The following TRIP11 variants were observed in gnomAD, a reference collection of about 807,000 sequenced individuals.
TRIP11 encodes thyroid receptor-interacting protein 11.
In TRIP11, 148 loss-of-function variants were observed where a neutral mutation model predicts 223.1. The observed-to-expected ratio is 0.66, with a 90% CI of 0.58 to 0.76. TRIP11 has a LOEUF of 0.76. Among genes scored for constraint, TRIP11 ranks in the 30% least tolerant of loss-of-function variants. The pLI is 0.00. For synonymous variants in TRIP11, 762 were observed against 772.6 expected (o/e 0.99, Z 0.23); for missense variants, 2,043 against 2,222.0 (o/e 0.92, Z 1.62).
At position 92,004,792 on chromosome 14, in the gene TRIP11, G is replaced by C. The variant is rs1388212412; in HGVS notation, c.3184C>G (p.Gln1062Glu). The change falls in exon 11 of 21, where the codon CAG becomes GAG. Residue 1062 changes from glutamine to glutamate, a missense_variant. Physicochemically the swap from Gln to Glu is conservative, Grantham distance 29 (BLOSUM62 2). Coordinates refer to ENST00000267622, the MANE Select transcript of TRIP11 (RefSeq NM_004239.4). ...DEVGKLTQII[Q>E]QKDLEIQALH... ...GCTTGTATCTCCAAATCTTTCTGCT[G>C]AATAATCTGAGTTAGTTTACCAACT... is the stretch of plus-strand genomic sequence containing the variant. 6.2e-7 allele frequency: 1 copy of C among 1,614,100 alleles called. No homozygotes were observed. Among genetic ancestry groups the C allele is most frequent in the African/African-American group, 1.3e-5 (1 of 75,054 alleles).
chr14:91,977,147 C>T (rs1353704667), intron 16 of TRIP11: 2 of 435,592 alleles, frequency 4.6e-6, no homozygotes, highest in South Asian at 1.7e-5. Context: ...AATTATGCTG[C>T]ATTTTCCTAG....
At chr14:92,036,916 G>T (rs1471088406) in intron 1 of TRIP11, among the ~76,000 whole-genome samples, 1 of 152,110 alleles carries the variant, frequency 6.6e-6, no homozygotes, top group African/African-American at 2.4e-5. Context: ...TTTTTGTAGA[G>T]ATGAGATCTC....
intron 3 of TRIP11, among the ~76,000 whole-genome samples, chr14:92,023,330 T>C (rs1018851192): frequency 3.3e-5 from 5 of 152,246 alleles, no homozygotes; most frequent in Non-Finnish European, 5.9e-5. Flanking sequence ...TTTGAGAACA[T>C]TCTCATAAAT....
At position 92,003,539 on chromosome 14, in the gene TRIP11, A is replaced by T; in HGVS notation, c.4437T>A (p.Tyr1479Ter). 1 of 1,613,984 alleles carries T rather than the reference A, an allele frequency of 6.2e-7. No individual in the cohort carries two copies. ...VETYRGKETE[Y>*]QALQETNMKF... ...TCATGTTAGTCTCTTGTAACGCTTG[A>T]TATTCTGTTTCCTTTCCCCTGTATG... is the stretch of plus-strand genomic sequence containing the variant. The change falls in exon 11 of 21, where the codon TAT becomes TAA. Residue 1479 changes from tyrosine (Y) to a stop codon, truncating the protein, a stop_gained. Transcript: ENST00000267622. LOFTEE classifies it high-confidence loss of function.
At chr14:91,985,052 CAG>C (rs1221174859) in intron 16 of TRIP11, among the ~76,000 whole-genome samples, 3 of 152,128 alleles carry the variant, frequency 2.0e-5, no homozygotes, top group African/African-American at 7.2e-5. Flanking sequence ...GGGAGGGAGA[CAG>C]GGAGAAATAT....
chr14:91,983,938 T>C (rs1385795378), intron 16 of TRIP11, among the ~76,000 whole-genome samples: 1 of 152,252 alleles, frequency 6.6e-6, no homozygotes, highest in East Asian at 1.9e-4. Context: ...AAGCTTCTTT[T>C]ATATCTGTAG....
rs1373526796 is a variant in TRIP11 at position 91,978,137 on chromosome 14, A to C, written c.5261-1948T>G. 6.6e-6 allele frequency among the ~76,000 whole-genome samples: 1 copy of C among 152,216 alleles called. No individual in the cohort carries two copies. Among genetic ancestry groups the C allele is most frequent in the African/African-American group, 2.4e-5 (1 of 41,452 alleles). On this transcript the variant is annotated intron_variant, in intron 16 of 20. Transcript: ENST00000267622. This position sits in a 1 kb window ranked among gnomAD's most constrained non-coding sequence, Gnocchi z 4.4. The stretch of plus-strand genomic sequence containing the variant: ...GACACTTTAGATTCCTAATGTGCAC[A>C]TGTATACTACTAGCACATGGTGTTA...
In TRIP11 at chr14:92,033,180, G is replaced by C. The variant is rs374256490; in HGVS notation, c.201+12C>G. On this transcript the variant is annotated intron_variant, in intron 2 of 20. Coordinates refer to ENST00000267622, the MANE Select transcript of TRIP11 (RefSeq NM_004239.4). Reference sequence around the variant, plus strand: ...AAAAAGAAAAATCTAAGTAGTCTTTGATTTTTCTTACCTCTGATCTCAAGA... The same window carrying C: ...AAAAAGAAAAATCTAAGTAGTCTTTCATTTTTCTTACCTCTGATCTCAAGA... 7.5e-6 allele frequency: 12 copies of C among 1,610,726 alleles called. No homozygotes were observed. Among genetic ancestry groups the C allele is most frequent in the Non-Finnish European group, 1.0e-5 (12 of 1,177,502 alleles).
Position 91,970,010 on chromosome 14 carries a change from G to A in TRIP11, c.5720-117C>T, listed in dbSNP as rs577007890. 25 of 1,067,864 alleles carry A rather than the reference G, an allele frequency of 2.3e-5. No homozygotes were observed. In the South Asian group the frequency reaches 3.6e-4, roughly 16 times the overall value. The allele number at this position is 1,067,864 out of a possible 1,614,324, so 66.1% of individuals were successfully genotyped here. On this transcript the variant is annotated intron_variant, in intron 20 of 20. Coordinates refer to ENST00000267622, the MANE Select transcript of TRIP11 (RefSeq NM_004239.4). ...TAATATTGTTAAATTGATTAGCATAGATAAATAAAAATAATCAATGTATCA... is the reference window on the plus strand; with the variant it reads ...TAATATTGTTAAATTGATTAGCATAAATAAATAAAAATAATCAATGTATCA...
chr14:92,012,176 T>C (rs2056981026), intron 7 of TRIP11, among the ~76,000 whole-genome samples: 1 of 152,220 alleles, frequency 6.6e-6, no homozygotes. Flanking sequence ...TTAAAAGTAG[T>C]ATTTTATTAT....
chr14:91,999,111 C>T (rs538535458), intron 13 of TRIP11, 129 bp downstream of exon 13: 4 of 1,059,832 alleles, frequency 3.8e-6, no homozygotes, highest in Non-Finnish European at 5.5e-6. Context: ...TCTTTACCTT[C>T]AGTTTCTTCA....
In TRIP11 at chr14:91,966,925, G is replaced by A. The variant is rs965697674; in HGVS notation, c.*2748C>T. The A allele has an allele frequency of 1.9e-5, 4 of 209,016 alleles. No individual in the cohort carries two copies. The highest frequency in any genetic ancestry group is 4.6e-5 in the African/African-American group (2 of 43,880). 12.9% of individuals were successfully genotyped at this position (209,016 alleles called of 1,614,324 possible). A position where few individuals can be genotyped will look rare whatever the true frequency, so the allele number is the denominator to read the frequency against. Reference sequence around the variant, plus strand: ...TGTAGTTAAAATATTGCAGTTAAACGCACTGTTAGCAATGTCCTATTGCCA... The same window carrying A: ...TGTAGTTAAAATATTGCAGTTAAACACACTGTTAGCAATGTCCTATTGCCA... On this transcript the variant is annotated 3_prime_UTR_variant, in exon 21 of 21. Transcript: ENST00000267622.
chr14:92,009,696 CT>C (rs2056948064), intron 9 of TRIP11, among the ~76,000 whole-genome samples: 1 of 152,186 alleles, frequency 6.6e-6, no homozygotes, highest in Non-Finnish European at 1.5e-5. Flanking sequence ...AAGAATTTTC[CT>C]GCTTAAATGC....
In TRIP11 at chr14:91,980,990, TTATATA is replaced by T. The variant is rs200939525; in HGVS notation, c.5261-4807_5261-4802del. 7.9e-3 allele frequency among the ~76,000 whole-genome samples: 594 copies of T among 75,322 alleles called. 7 individuals are homozygous for T. Among genetic ancestry groups the T allele is most frequent in the South Asian group, 0.018 (38 of 2,102 alleles). The allele number at this position is 75,322 out of a possible 152,430, so 49.4% of individuals were successfully genotyped here. The stretch of plus-strand genomic sequence containing the variant: ...TTTAACATCAAATTTTATATGTATA[TTATATA>T]TATATATATATATATATTTTTTTTT... On this transcript the variant is annotated intron_variant, in intron 16 of 20. Coordinates refer to ENST00000267622, the MANE Select transcript of TRIP11 (RefSeq NM_004239.4).
intron 16 of TRIP11, among the ~76,000 whole-genome samples, chr14:91,981,318 A>T (rs1168023864): frequency 6.6e-6 from 1 of 150,912 alleles, no homozygotes; most frequent in African/African-American, 2.4e-5. Flanking sequence ...ACCCGGCCCA[A>T]ATAATATATT....
intron 17 of TRIP11, 107 bp from the exon 18 acceptor site, chr14:91,975,393 T>C (rs1019985179): frequency 2.5e-5 from 15 of 603,708 alleles, no homozygotes; most frequent in Middle Eastern, 5.0e-4. Context: ...TATTTACTTA[T>C]AAAAAAGTCT....
At chr14:91,974,527 G>C (rs1285099068) in intron 19 of TRIP11, 100 bp downstream of exon 19, 1 of 981,526 alleles carries the variant, frequency 1.0e-6, no homozygotes, top group African/African-American at 1.6e-5. Flanking sequence ...TAAAAGGGTT[G>C]TATAAAATAA....
chr14:92,029,057 T>A (rs1486475212), intron 2 of TRIP11, among the ~76,000 whole-genome samples: 2 of 152,178 alleles, frequency 1.3e-5, no homozygotes, highest in Non-Finnish European at 2.9e-5. Context: ...GATCTTTTTA[T>A]AAATCTAAGA....
intron 2 of TRIP11, chr14:92,026,979 T>G: frequency 1.1e-6 from 1 of 917,738 alleles, no homozygotes; most frequent in Non-Finnish European, 1.7e-6. Flanking sequence ...GTGGTCACCT[T>G]CAAGTAGAGA....
Sources: allele counts gnomAD v4.1 joint callset (sites outside exome capture counted in the v4.1 genomes callset), GRCh38; gene constraint gnomAD v4.1.1; non-coding constraint Gnocchi (gnomAD v3.1); transcripts MANE v1.5; gene names NCBI Gene and HGNC (gene_info 2026-07-23, HGNC 2026-07-21).